Variants in DOK6 observed in about 807,000 individuals in gnomAD.
DOK6 encodes downstream of tyrosine kinase 6.
A neutral mutation model predicts 44.0 loss-of-function variants in DOK6; 22 were observed. The ratio of observed to expected loss-of-function variants is 0.50; its 90% confidence interval spans 0.36 to 0.71. The LOEUF is 0.71. DOK6 is among the 30% of genes least tolerant of loss of function. The probability of loss-of-function intolerance (pLI) is 0.00; values close to 1 mark genes in which losing one functional copy is unlikely to be tolerated. For missense variants in DOK6, 340 were observed against 416.4 expected (o/e 0.82, Z 1.60); for synonymous variants, 166 against 145.5 (o/e 1.14, Z -1.01).
chr18:69,540,004 G>A (rs1982226960), intron 1 of DOK6, among the ~76,000 whole-genome samples: 1 of 150,442 alleles, frequency 6.6e-6, no homozygotes, highest in Non-Finnish European at 1.5e-5. Context: ...CAAGGCGGCA[G>A]GAGGGAGAAA....
intron 1 of DOK6, among the ~76,000 whole-genome samples, chr18:69,523,942 T>C (rs966793164): frequency 1.3e-5 from 2 of 151,998 alleles, no homozygotes; most frequent in African/African-American, 4.8e-5. Flanking sequence ...GAAATAGATA[T>C]AAAGCTTTTT....
intron 1 of DOK6, among the ~76,000 whole-genome samples, chr18:69,480,880 T>C (rs1418524723): frequency 2.0e-5 from 3 of 152,158 alleles, no homozygotes; most frequent in African/African-American, 7.2e-5. Context: ...GTCAGAGAAC[T>C]GTACATGAGA....
chr18:69,694,304 G>T (rs1180768491), intron 4 of DOK6, among the ~76,000 whole-genome samples: 1 of 151,506 alleles, frequency 6.6e-6, no homozygotes, highest in Non-Finnish European at 1.5e-5. Context: ...CCTTACCCCT[G>T]TATCTCAGGC....
At chr18:69,496,012 G>A (rs1293561641) in intron 1 of DOK6, among the ~76,000 whole-genome samples, 1 of 152,222 alleles carries the variant, frequency 6.6e-6, no homozygotes, top group African/African-American at 2.4e-5. Flanking sequence ...TGCGGGGGGA[G>A]ATGCCTGACT....
chr18:69,481,103 G>T (rs1255045841), intron 1 of DOK6, among the ~76,000 whole-genome samples: 1 of 152,160 alleles, frequency 6.6e-6, no homozygotes, highest in Non-Finnish European at 1.5e-5. Context: ...TCTGCCGTCA[G>T]GCACTTGGAA....
chr18:69,615,854 G>A (rs12455871), intron 3 of DOK6, among the ~76,000 whole-genome samples: 92,104 of 151,852 alleles, frequency 0.61, 28,007 homozygotes, highest in South Asian at 0.68. Context: ...GTGTTCAGTT[G>A]AAAGTAGTTT....
chr18:69,647,078 GTCTA>G (rs1283622213), intron 3 of DOK6, among the ~76,000 whole-genome samples: 1 of 131,222 alleles, frequency 7.6e-6, no homozygotes, highest in Non-Finnish European at 1.7e-5. Context: ...TATCCCATCT[GTCTA>G]TCCTATCTGT....
Position 69,547,124 on chromosome 18 carries a change from C to T in DOK6, c.67-17363C>T, listed in dbSNP as rs369059982. On this transcript the variant is annotated intron_variant, in intron 1 of 7. Coordinates refer to ENST00000382713, the MANE Select transcript of DOK6 (RefSeq NM_152721.6). ...TTGTTTGTTTGTTAGTTTTTTGAGA[C>T]GGAGTCTCACTCTGTTGCCAGGCTG... Among the ~76,000 whole-genome samples the T allele has an allele frequency of 9.9e-4, 150 of 151,640 alleles. 4 individuals are homozygous for T. The highest frequency in any genetic ancestry group is 3.3e-3 in the African/African-American group (137 of 41,454).
At chr18:69,802,843 T>A (rs548244174) in intron 7 of DOK6, among the ~76,000 whole-genome samples, 21 of 152,262 alleles carry the variant, frequency 1.4e-4, no homozygotes, top group Middle Eastern at 6.8e-3. Flanking sequence ...TTCTTTTTTT[T>A]AAATAAATTA....
intron 5 of DOK6, among the ~76,000 whole-genome samples, chr18:69,705,687 T>G (rs1333466266): frequency 6.6e-6 from 1 of 152,240 alleles, no homozygotes; most frequent in Non-Finnish European, 1.5e-5. Context: ...ATTAAGTGTC[T>G]GTCTCAGAGT....
At chr18:69,724,342 C>T (rs1182266827) in intron 5 of DOK6, among the ~76,000 whole-genome samples, 1 of 152,114 alleles carries the variant, frequency 6.6e-6, no homozygotes, top group African/African-American at 2.4e-5. Context: ...TAGGAGCAGA[C>T]AATCTTTTGT....
chr18:69,685,367 A>G (rs890999080), intron 4 of DOK6, among the ~76,000 whole-genome samples: 2 of 152,184 alleles, frequency 1.3e-5, no homozygotes, highest in African/African-American at 4.8e-5. Context: ...CCTTGGTCAG[A>G]TTAGTGAAAT....
At chr18:69,609,066 G>A (rs886256053) in intron 3 of DOK6, among the ~76,000 whole-genome samples, 1 of 152,068 alleles carries the variant, frequency 6.6e-6, no homozygotes, top group Admixed American at 6.5e-5. Context: ...GAAAACTTAG[G>A]GGAAAACTTT....
chr18:69,813,120 C>T (rs1981293055), intron 7 of DOK6, among the ~76,000 whole-genome samples: 1 of 152,142 alleles, frequency 6.6e-6, no homozygotes, highest in South Asian at 2.1e-4. Flanking sequence ...TTCATGCCTA[C>T]CTGACTTCCA....
intron 1 of DOK6, among the ~76,000 whole-genome samples, chr18:69,451,755 G>A (rs1599137625): frequency 8.1e-6 from 1 of 123,486 alleles, no homozygotes; most frequent in Admixed American, 9.2e-5. Flanking sequence ...AGGATTAAGA[G>A]TCTCACTCAA....
intron 5 of DOK6, among the ~76,000 whole-genome samples, chr18:69,720,870 A>C (rs1986990637): frequency 1.3e-5 from 2 of 152,166 alleles, no homozygotes; most frequent in South Asian, 4.1e-4. Flanking sequence ...AAATCTAAAG[A>C]GATGAAATAT....
At chr18:69,802,036 T>G (rs1174767824) in intron 7 of DOK6, among the ~76,000 whole-genome samples, 1 of 152,152 alleles carries the variant, frequency 6.6e-6, no homozygotes, top group African/African-American at 2.4e-5. Flanking sequence ...GGAACCCTTT[T>G]TCCTCCATCC....
chr18:69,624,635 A>G (rs773362868), intron 3 of DOK6, among the ~76,000 whole-genome samples: 32 of 152,126 alleles, frequency 2.1e-4, no homozygotes, highest in Non-Finnish European at 3.8e-4. Context: ...AGTATTACTT[A>G]CTGGTTCCTT....
intron 7 of DOK6, among the ~76,000 whole-genome samples, chr18:69,819,047 G>A (rs527263060): frequency 1.3e-5 from 2 of 152,196 alleles, no homozygotes; most frequent in South Asian, 4.2e-4. Flanking sequence ...ATTATTTTTT[G>A]CTATCAGAGA....
Sources: allele counts gnomAD v4.1 joint callset (sites outside exome capture counted in the v4.1 genomes callset), GRCh38; gene constraint gnomAD v4.1.1; transcripts MANE v1.5; gene names NCBI Gene and HGNC (gene_info 2026-07-23, HGNC 2026-07-21).